CNTNAP2: variants seen among roughly 807,000 people sequenced by gnomAD.
CNTNAP2 encodes the protein contactin-associated protein-like 2.
Under a neutral mutation model 155.2 loss-of-function variants are expected in CNTNAP2, and 98 were observed. The observed-to-expected ratio is 0.63, with a 90% CI of 0.54 to 0.75. CNTNAP2 has a LOEUF of 0.75. CNTNAP2 is among the 30% of genes least tolerant of loss of function. The pLI, the probability that CNTNAP2 is intolerant of heterozygous loss-of-function variation, is 0.00. For synonymous variants in CNTNAP2, 651 were observed against 631.2 expected (o/e 1.03, Z -0.47); for missense variants, 1,727 against 1,688.1 (o/e 1.02, Z -0.40).
intron 3 of CNTNAP2, among the ~76,000 whole-genome samples, chr7:146,874,338 T>C (rs765482424): frequency 6.6e-6 from 1 of 152,146 alleles, no homozygotes; most frequent in Non-Finnish European, 1.5e-5. Context: ...TTTTTATTTT[T>C]ATTTTATTTT....
intron 1 of CNTNAP2, among the ~76,000 whole-genome samples, chr7:146,414,330 A>C (rs2129111847): frequency 6.6e-6 from 1 of 152,308 alleles, no homozygotes; most frequent in African/African-American, 2.4e-5. Context: ...TGCTTAGCCC[A>C]CATAGGATTG....
At chr7:146,419,450 T>C (rs2372494) in intron 1 of CNTNAP2, among the ~76,000 whole-genome samples, 58,968 of 151,956 alleles carry the variant, frequency 0.39, 13,054 homozygotes, top group African/African-American at 0.6. Flanking sequence ...ACCCAGTTTG[T>C]GGTACTTCTT....
chr7:146,439,641 C>T (rs1365927720), intron 1 of CNTNAP2, among the ~76,000 whole-genome samples: 1 of 151,570 alleles, frequency 6.6e-6, no homozygotes, highest in African/African-American at 2.4e-5. Flanking sequence ...TTAATTTCTA[C>T]AACTTTCCAC....
intron 1 of CNTNAP2, among the ~76,000 whole-genome samples, chr7:146,562,433 A>G (rs953337568): frequency 6.6e-6 from 1 of 152,182 alleles, no homozygotes; most frequent in East Asian, 1.9e-4. Flanking sequence ...GAAAACATAC[A>G]TGTTAATTTA....
chr7:148,152,587 T>G lies in CNTNAP2; in HGVS notation c.2773+4878T>G, dbSNP rs1409110031. On this transcript the variant is annotated intron_variant, in intron 17 of 23. Coordinates refer to ENST00000361727, the MANE Select transcript of CNTNAP2 (RefSeq NM_014141.6). ...CTGAGCATTAAGGGATTCTAGAAAC[T>G]ACACCTACATTTTAACAGAGTTCAG... Among the ~76,000 whole-genome samples, 6 of 152,304 alleles carry G rather than the reference T, an allele frequency of 3.9e-5. No homozygotes were observed. In the East Asian group the frequency reaches 1.2e-3, roughly 29 times the overall value.
chr7:146,556,160 T>C (rs993516502), intron 1 of CNTNAP2, among the ~76,000 whole-genome samples: 10 of 151,728 alleles, frequency 6.6e-5, no homozygotes, highest in Non-Finnish European at 1.2e-4. Context: ...ATAATGTCAG[T>C]CTTTTTTTTT....
intron 1 of CNTNAP2, among the ~76,000 whole-genome samples, chr7:146,684,837 G>A (rs1191761738): frequency 6.6e-6 from 1 of 152,014 alleles, no homozygotes; most frequent in African/African-American, 2.4e-5. Context: ...TATTCATACT[G>A]TTTTCATGAA....
intron 3 of CNTNAP2, among the ~76,000 whole-genome samples, chr7:147,039,867 A>G (rs1030113821): frequency 6.6e-6 from 1 of 152,278 alleles, no homozygotes; most frequent in African/African-American, 2.4e-5. Flanking sequence ...AAGACAACCT[A>G]GGCAATACCA....
chr7:146,213,038 G>T (rs1584804855), intron 1 of CNTNAP2, among the ~76,000 whole-genome samples: 1 of 152,284 alleles, frequency 6.6e-6, no homozygotes, highest in African/African-American at 2.4e-5. Flanking sequence ...GGCTACTGTA[G>T]AAGTGTCCTT....
intron 4 of CNTNAP2, among the ~76,000 whole-genome samples, chr7:147,089,210 C>T (rs1584832492): frequency 6.6e-6 from 1 of 152,152 alleles, no homozygotes; most frequent in African/African-American, 2.4e-5. Context: ...GTGTATGCAT[C>T]CCACCTTTTC....
chr7:146,252,586 G>T (rs958789619), intron 1 of CNTNAP2, among the ~76,000 whole-genome samples: 8 of 152,130 alleles, frequency 5.3e-5, no homozygotes, highest in African/African-American at 1.9e-4. Flanking sequence ...ATAAGTCAGG[G>T]CAGGAAAAAA....
chr7:147,111,667 C>T (rs1441564579), intron 5 of CNTNAP2, among the ~76,000 whole-genome samples: 2 of 152,122 alleles, frequency 1.3e-5, no homozygotes, highest in Non-Finnish European at 2.9e-5. Flanking sequence ...TGTTGAAGAT[C>T]AGGTGGTTAT....
intron 3 of CNTNAP2, among the ~76,000 whole-genome samples, chr7:146,985,478 C>T (rs542721764): frequency 6.2e-5 from 9 of 144,642 alleles, no homozygotes; most frequent in Middle Eastern, 3.5e-3. Context: ...CCACCATGCC[C>T]GGCTAATTTT....
chr7:146,545,862 A>G (rs917118612), intron 1 of CNTNAP2, among the ~76,000 whole-genome samples: 1 of 151,932 alleles, frequency 6.6e-6, no homozygotes, highest in African/African-American at 2.4e-5. Flanking sequence ...TCATTCTACT[A>G]TAAAGACACA....
intron 23 of CNTNAP2, among the ~76,000 whole-genome samples, chr7:148,411,765 C>T (rs6959213): frequency 0.58 from 87,306 of 149,734 alleles, 26,280 homozygotes; most frequent in African/African-American, 0.67. Flanking sequence ...AATATCTAGT[C>T]ATTCCAAGAC....
chr7:147,125,528 T>C (rs1563085381), intron 6 of CNTNAP2, among the ~76,000 whole-genome samples: 2 of 152,186 alleles, frequency 1.3e-5, no homozygotes, highest in Non-Finnish European at 2.9e-5. Context: ...AAAATGGTGT[T>C]TGGCTTAGAT....
At chr7:147,199,523 T>C (rs1198132790) in intron 8 of CNTNAP2, among the ~76,000 whole-genome samples, 1 of 152,162 alleles carries the variant, frequency 6.6e-6, no homozygotes, top group Non-Finnish European at 1.5e-5. Context: ...CCTGCTGGTT[T>C]TTAAATGGAT....
At position 146,379,469 on chromosome 7, in the gene CNTNAP2, A is replaced by T. The variant is rs1366180987; in HGVS notation, c.97+262496A>T. On this transcript the variant is annotated intron_variant, in intron 1 of 23. Coordinates refer to ENST00000361727, the MANE Select transcript of CNTNAP2 (RefSeq NM_014141.6). ...GTAAAGGGTAAATCTTGAACTGAAG[A>T]TGAGACTCTAGAAATACTCTGTTAT... Among the ~76,000 whole-genome samples, 4 of 152,274 alleles carry T rather than the reference A, an allele frequency of 2.6e-5. No homozygotes were observed. The East Asian group carries it at 5.8e-4, about 22-fold the overall frequency.
At chr7:146,783,206 G>A (rs1028418053) in intron 2 of CNTNAP2, among the ~76,000 whole-genome samples, 1 of 151,990 alleles carries the variant, frequency 6.6e-6, no homozygotes, top group Admixed American at 6.6e-5. Flanking sequence ...ATATCTTATA[G>A]AAACTAACAT....
Sources: allele counts gnomAD v4.1 joint callset (sites outside exome capture counted in the v4.1 genomes callset), GRCh38; gene constraint gnomAD v4.1.1; transcripts MANE v1.5; gene names NCBI Gene and HGNC (gene_info 2026-07-23, HGNC 2026-07-21).